PRKCH: variants seen among roughly 807,000 people sequenced by gnomAD.
The protein encoded by PRKCH is protein kinase C eta.
PRKCH carries 28 observed loss-of-function variants against 82.5 expected under a neutral mutation model. That is an observed-to-expected ratio of 0.34 (90% confidence interval 0.25 to 0.47). PRKCH has a LOEUF of 0.47. Ranked by LOEUF, PRKCH falls within the 20% of genes least tolerant of loss-of-function variation. PRKCH has a pLI of 1.00. For synonymous variants in PRKCH, 322 were observed against 327.4 expected, an observed-to-expected ratio of 0.98 and a Z score of 0.18; for missense variants, 705 against 881.8, an observed-to-expected ratio of 0.80 and a Z score of 2.54.
chr14:61,385,777 C>G (rs2046578624), intron 1 of PRKCH, among the ~76,000 whole-genome samples: 1 of 152,164 alleles, frequency 6.6e-6, no homozygotes, highest in Non-Finnish European at 1.5e-5. Flanking sequence ...ATTTGTTCCA[C>G]AAACCATTTT....
At chr14:61,401,369 T>A (rs1881605725) in intron 2 of PRKCH, among the ~76,000 whole-genome samples, 3 of 152,360 alleles carry the variant, frequency 2.0e-5, no homozygotes, top group Middle Eastern at 6.8e-3. Flanking sequence ...TTATTTTGAC[T>A]GACTGTAAGT....
chr14:61,503,156 C>T (rs1228397066), intron 10 of PRKCH, among the ~76,000 whole-genome samples: 2 of 151,964 alleles, frequency 1.3e-5, no homozygotes, highest in Non-Finnish European at 2.9e-5. Context: ...TTTATTGCTG[C>T]ACCAAGGAGC....
intron 1 of PRKCH, chr14:61,304,481 C>T (rs2045471014): frequency 6.6e-6 from 1 of 152,096 alleles, no homozygotes; most frequent in Admixed American, 6.6e-5. Flanking sequence ...TGAATCCTCC[C>T]AGCATTTGTT....
rs533070230 is a variant in PRKCH at position 61,541,277 on chromosome 14, C to T, written c.1762-6466C>T. Among the ~76,000 whole-genome samples the T allele has an allele frequency of 3.3e-5, 5 of 152,394 alleles. No homozygotes were observed. In the East Asian group the frequency reaches 9.6e-4, roughly 29 times the overall value. On this transcript the variant is annotated intron_variant, in intron 12 of 13. Transcript: ENST00000332981. The stretch of plus-strand genomic sequence containing the variant: ...CCTTCAGACAGACACGCGCCTGCAA[C>T]ACGCATGCGTGGTGTGCTTCTCGTC...
chr14:61,281,870 C>CTTTTT lies in PRKCH; in HGVS notation c.-19+94229_-19+94233dup, dbSNP rs71117807. On this transcript the variant is annotated intron_variant, in intron 1 of 3. Transcript: ENST00000555185. ...TTCAACGCCTGCGTTCAAATTTTAG[C>CTTTTT]TTTTTTTTTTTTTTTTTTTTTTTTT... 3.2e-3 allele frequency: 307 copies of CTTTTT among 94,820 alleles called. 39 individuals carry two copies. Among genetic ancestry groups the CTTTTT allele is most frequent in the African/African-American group, 9.3e-3 (185 of 19,882 alleles). The allele number at this position is 94,820 out of a possible 1,614,324, so 5.9% of individuals were successfully genotyped here.
intron 1 of PRKCH, among the ~76,000 whole-genome samples, chr14:61,272,847 G>A (rs540156493): frequency 2.0e-4 from 30 of 152,264 alleles, no homozygotes; most frequent in African/African-American, 7.0e-4. Flanking sequence ...GGTGCAGGGA[G>A]GAGAAAGTGT....
chr14:61,301,906 A>G (rs1248436102), intron 1 of PRKCH, among the ~76,000 whole-genome samples: 1 of 152,240 alleles, frequency 6.6e-6, no homozygotes, highest in Non-Finnish European at 1.5e-5. Context: ...CCTTGTAACT[A>G]CCACAAAAAG....
chr14:61,394,671 A>G (rs1474808395), intron 2 of PRKCH, among the ~76,000 whole-genome samples: 11 of 152,288 alleles, frequency 7.2e-5, no homozygotes, highest in Admixed American at 2.0e-4. Flanking sequence ...CTCACCAAAT[A>G]CATCTGATTG....
At chr14:61,327,469 A>G (rs1238897814) in intron 1 of PRKCH, among the ~76,000 whole-genome samples, 1 of 152,086 alleles carries the variant, frequency 6.6e-6, no homozygotes, top group Non-Finnish European at 1.5e-5. Flanking sequence ...AGGGAGTTTT[A>G]TTTCAGTGTA....
intron 12 of PRKCH, among the ~76,000 whole-genome samples, chr14:61,535,946 C>T (rs534037502): frequency 4.6e-5 from 7 of 152,340 alleles, no homozygotes; most frequent in Admixed American, 3.3e-4. Flanking sequence ...GTTGTTAAAA[C>T]CACCATATAA....
At chr14:61,248,630 G>A (rs1594872891) in intron 1 of PRKCH, among the ~76,000 whole-genome samples, 1 of 152,236 alleles carries the variant, frequency 6.6e-6, no homozygotes, top group South Asian at 2.1e-4. Flanking sequence ...GTCCAGTACT[G>A]GGAATCAAAA....
In PRKCH at chr14:61,280,999, C is replaced by G. The variant is rs1427529589; in HGVS notation, c.-19+93331C>G. On this transcript the variant is annotated intron_variant, in intron 1 of 3. Coordinates refer to the PRKCH transcript ENST00000555185. The surrounding 1 kb of genome is among the most constrained non-coding windows in gnomAD (Gnocchi z 5.0). ...GTTGGAGGAGTAGTAGAGGCCCAGG[C>G]CCAGGCCGATGAAGGCCAGGCCCGC... 1 of 1,540,322 alleles carries G rather than the reference C, an allele frequency of 6.5e-7. No individual in the cohort carries two copies. Among genetic ancestry groups the G allele is most frequent in the Non-Finnish European group, 8.7e-7 (1 of 1,145,688 alleles).
rs777050309 is a variant in PRKCH, at chr14:61,453,496, C to CTCTT, written c.960+157_960+160dup. 6.3e-6 allele frequency: 5 copies of CTCTT among 799,336 alleles called. No homozygotes were observed. In the East Asian group the frequency reaches 1.3e-4, roughly 21 times the overall value. 49.5% of individuals were successfully genotyped at this position (799,336 alleles called of 1,614,324 possible). On this transcript the variant is annotated intron_variant, in intron 7 of 13. Transcript: ENST00000332981. ...ACTTATTGCCTTTCTTTCTTTCTTT[C>CTCTT]TCTTTCTTTCTTTCTTTTTTCTTTT... is the stretch of plus-strand genomic sequence containing the variant.
At chr14:61,236,822 C>T (rs1350357070) in intron 1 of PRKCH, among the ~76,000 whole-genome samples, 1 of 151,794 alleles carries the variant, frequency 6.6e-6, no homozygotes, top group Non-Finnish European at 1.5e-5. Context: ...CCCATCAGCA[C>T]CACGACAGTT....
At chr14:61,257,795 A>T (rs2045011927) in intron 1 of PRKCH, among the ~76,000 whole-genome samples, 1 of 152,166 alleles carries the variant, frequency 6.6e-6, no homozygotes, top group Non-Finnish European at 1.5e-5. Flanking sequence ...TACCACAAGG[A>T]CACCTTTTGT....
At chr14:61,496,442 C>T (rs754709418) in intron 10 of PRKCH, among the ~76,000 whole-genome samples, 23 of 152,218 alleles carry the variant, frequency 1.5e-4, no homozygotes, top group Admixed American at 1.0e-3. Context: ...CCTTTCCACA[C>T]GTTTCCCCCT....
At chr14:61,469,702 A>G (rs997409915) in intron 9 of PRKCH, among the ~76,000 whole-genome samples, 2 of 152,222 alleles carry the variant, frequency 1.3e-5, no homozygotes, top group Non-Finnish European at 2.9e-5. Context: ...TCTGCTGAGA[A>G]CCCAGCTGCA....
At chr14:61,356,784 C>T (rs1180493179) in intron 1 of PRKCH, among the ~76,000 whole-genome samples, 5 of 152,184 alleles carry the variant, frequency 3.3e-5, no homozygotes, top group East Asian at 1.9e-4. Flanking sequence ...CAGGTTCAAA[C>T]GATTCTCCTG....
At chr14:61,220,270 A>G (rs148082278) in intron 1 of PRKCH, among the ~76,000 whole-genome samples, 36 of 152,318 alleles carry the variant, frequency 2.4e-4, no homozygotes, top group African/African-American at 7.9e-4. Context: ...CAGTCTTCCT[A>G]GCAGGTGTAC....
Sources: gnomAD v4.1 joint callset for allele counts (sites outside exome capture counted in the v4.1 genomes callset) on GRCh38, gnomAD v4.1.1 for gene constraint, Gnocchi (gnomAD v3.1) non-coding constraint, MANE v1.5 for transcripts, NCBI Gene and HGNC (gene_info 2026-07-23, HGNC 2026-07-21) for gene names.